Variants in PALLD observed in about 807,000 individuals in gnomAD.
The protein encoded by PALLD is palladin, cytoskeletal associated protein.
A neutral mutation model predicts 123.5 loss-of-function variants in PALLD; 61 were observed. The observed-to-expected ratio is 0.49, with a 90% CI of 0.40 to 0.61. The LOEUF is 0.61. Among genes scored for constraint, PALLD ranks in the 20% least tolerant of loss-of-function variants. The probability of loss-of-function intolerance (pLI) is 0.00; values close to 1 mark genes in which losing one functional copy is unlikely to be tolerated. For synonymous variants in PALLD, 465 were observed against 496.4 expected, an observed-to-expected ratio of 0.94 and a Z score of 0.84; for missense variants, 1,273 against 1,377.0, an observed-to-expected ratio of 0.92 and a Z score of 1.20.
intron 10 of PALLD, among the ~76,000 whole-genome samples, chr4:168,715,843 G>T (rs1472100084): frequency 6.6e-6 from 1 of 152,064 alleles, no homozygotes; most frequent in African/African-American, 2.4e-5. Context: ...CCAGCTACTC[G>T]GGAGGCTGAG....
chr4:168,683,430 A>G (rs1781741538), intron 5 of PALLD, among the ~76,000 whole-genome samples: 1 of 152,236 alleles, frequency 6.6e-6, no homozygotes, highest in South Asian at 2.1e-4. Flanking sequence ...GCTCTTTCAT[A>G]TAGCCAAATT....
chr4:168,775,209 C>CATT (rs1298877383), intron 10 of PALLD, among the ~76,000 whole-genome samples: 2 of 152,128 alleles, frequency 1.3e-5, no homozygotes, highest in Non-Finnish European at 2.9e-5. Context: ...CACATGGTAT[C>CATT]ATTAGTTTTT....
At chr4:168,759,189 AAAAAAAAAAAAAAATATATATATATATAT>A (rs1311902066) in intron 10 of PALLD, among the ~76,000 whole-genome samples, 13 of 24,656 alleles carry the variant, frequency 5.3e-4, no homozygotes, top group African/African-American at 9.0e-4. Context: ...CAAAAAAAAA[AAAAAAAAAAAAAAATATATATATATATAT>A]ATATATATAT....
chr4:168,921,490 CTGTTT>C (rs756860119), intron 17 of PALLD, 39 bp from the exon 18 acceptor site: 4 of 1,342,596 alleles, frequency 3.0e-6, no homozygotes, highest in Admixed American at 4.0e-5. Context: ...TGATTTCACT[CTGTTT>C]TAATACAAAA....
intron 14 of PALLD, among the ~76,000 whole-genome samples, chr4:168,899,902 A>G (rs1367710084): frequency 6.6e-6 from 1 of 151,466 alleles, no homozygotes; most frequent in African/African-American, 2.4e-5. Context: ...GGGCAACAAC[A>G]GTGAGACTCC....
At chr4:168,608,476 C>G (rs1773407791) in intron 2 of PALLD, among the ~76,000 whole-genome samples, 1 of 152,162 alleles carries the variant, frequency 6.6e-6, no homozygotes, top group Non-Finnish European at 1.5e-5. Flanking sequence ...GAATCCATAT[C>G]CAAAATTCTT....
chr4:168,568,454 CA>C (rs1243512379), intron 2 of PALLD, among the ~76,000 whole-genome samples: 1 of 151,922 alleles, frequency 6.6e-6, no homozygotes, highest in Non-Finnish European at 1.5e-5. Context: ...CACAATCCCA[CA>C]AAAATGCATA....
chr4:168,808,349 G>A (rs1313089953), intron 10 of PALLD, among the ~76,000 whole-genome samples: 5 of 151,786 alleles, frequency 3.3e-5, no homozygotes, highest in Admixed American at 6.6e-5. Flanking sequence ...GCATGGTGAC[G>A]TGTACCTGTA....
At chr4:168,826,230 T>A (rs924128645) in intron 10 of PALLD, among the ~76,000 whole-genome samples, 18 of 152,176 alleles carry the variant, frequency 1.2e-4, no homozygotes, top group African/African-American at 4.3e-4. Context: ...GCAGGACATG[T>A]TTAGAAGCTG....
Position 168,869,804 on chromosome 4 carries a change from G to T in PALLD, c.1965-21118G>T, listed in dbSNP as rs774287598. ...TAGTGGAATTCAGGACTGAGGGCTG[G>T]GTTAGAGAGATCAGGGAGTGAGAGT... On this transcript the variant is annotated intron_variant, in intron 10 of 21. Coordinates refer to ENST00000505667, the MANE Select transcript of PALLD (RefSeq NM_001166108.2). This position sits in a 1 kb window ranked among gnomAD's most constrained non-coding sequence, Gnocchi z 4.5. Among the ~76,000 whole-genome samples, 2 of 152,084 alleles carry T rather than the reference G, an allele frequency of 1.3e-5. No homozygotes were observed. The highest frequency in any genetic ancestry group is 2.9e-5 in the Non-Finnish European group (2 of 67,984).
chr4:168,609,499 T>A, intron 2 of PALLD, among the ~76,000 whole-genome samples: 1 of 152,146 alleles, frequency 6.6e-6, no homozygotes, highest in East Asian at 1.9e-4. Context: ...TGACCCCACA[T>A]TGGGCAAGGG....
intron 2 of PALLD, among the ~76,000 whole-genome samples, chr4:168,626,134 C>A (rs577155199): frequency 1.4e-5 from 2 of 142,594 alleles, no homozygotes; most frequent in African/African-American, 5.3e-5. Context: ...GGCGTAGTGG[C>A]GGGCACCTGT....
At chr4:168,903,965 T>A (rs1162484149) in intron 15 of PALLD, 59 bp downstream of exon 15, 2 of 1,454,608 alleles carry the variant, frequency 1.4e-6, no homozygotes, top group East Asian at 4.5e-5. Context: ...GGCATTTGAT[T>A]AGACAAAGGA....
chr4:168,812,028 A>G (rs573284108), intron 10 of PALLD, among the ~76,000 whole-genome samples: 77 of 152,166 alleles, frequency 5.1e-4, no homozygotes, highest in Non-Finnish European at 7.2e-4. Flanking sequence ...CAATATAGAA[A>G]AGGCCAAAAG....
At chr4:168,858,505 T>C (rs780005304) in intron 10 of PALLD, among the ~76,000 whole-genome samples, 3 of 152,194 alleles carry the variant, frequency 2.0e-5, no homozygotes, top group Non-Finnish European at 2.9e-5. Flanking sequence ...TTGTATTAAC[T>C]TTCCAGAGTG....
At chr4:168,781,829 A>G (rs1176354603) in intron 10 of PALLD, among the ~76,000 whole-genome samples, 3 of 152,202 alleles carry the variant, frequency 2.0e-5, no homozygotes, top group East Asian at 3.8e-4. Context: ...AAGTCATGCC[A>G]TCATTATATT....
chr4:168,901,116 C>T (rs906612759), intron 14 of PALLD, among the ~76,000 whole-genome samples: 1 of 151,918 alleles, frequency 6.6e-6, no homozygotes, highest in Non-Finnish European at 1.5e-5. Flanking sequence ...TCCCTCCTTC[C>T]TCTCCCTCAA....
chr4:168,669,649 A>G (rs1008990312), intron 3 of PALLD, among the ~76,000 whole-genome samples: 1 of 152,204 alleles, frequency 6.6e-6, no homozygotes, highest in African/African-American at 2.4e-5. Context: ...ACTGATGACT[A>G]AAAGTATGTA....
intron 10 of PALLD, among the ~76,000 whole-genome samples, chr4:168,743,799 A>C (rs1788595140): frequency 6.6e-6 from 1 of 152,122 alleles, no homozygotes; most frequent in Non-Finnish European, 1.5e-5. Flanking sequence ...ACTGTGATTC[A>C]GTTTTGCAAT....
Sources: gnomAD v4.1 joint callset for allele counts (sites outside exome capture counted in the v4.1 genomes callset) on GRCh38, gnomAD v4.1.1 for gene constraint, Gnocchi (gnomAD v3.1) non-coding constraint, MANE v1.5 for transcripts, NCBI Gene and HGNC (gene_info 2026-07-23, HGNC 2026-07-21) for gene names.